The following NAALADL2 variants were observed in gnomAD, a reference collection of about 807,000 sequenced individuals.
NAALADL2 encodes the protein inactive N-acetylated-alpha-linked acidic dipeptidase-like protein 2.
A neutral mutation model predicts 87.2 loss-of-function variants in NAALADL2; 76 were observed. The observed-to-expected ratio is 0.87, with a 90% CI of 0.72 to 1.05. NAALADL2 has a LOEUF of 1.05. Ranked by LOEUF, NAALADL2 falls within the 50% of genes least tolerant of loss-of-function variation. The pLI, the probability that NAALADL2 is intolerant of heterozygous loss-of-function variation, is 0.00. For missense variants in NAALADL2, 1,089 were observed against 945.8 expected, an observed-to-expected ratio of 1.15 and a Z score of -1.99; for synonymous variants, 354 against 331.0, an observed-to-expected ratio of 1.07 and a Z score of -0.75.
chr3:174,884,101 G>GT (rs1016118278), intron 1 of NAALADL2, among the ~76,000 whole-genome samples: 2 of 152,140 alleles, frequency 1.3e-5, no homozygotes, highest in African/African-American at 4.8e-5. Context: ...GTGTCTCCTG[G>GT]TGGCGGCATT....
At chr3:175,130,992 G>C (rs1168767501) in intron 2 of NAALADL2, among the ~76,000 whole-genome samples, 1 of 152,062 alleles carries the variant, frequency 6.6e-6, no homozygotes, top group Non-Finnish European at 1.5e-5. Context: ...CAATGACTTT[G>C]GGTAGTATGG....
chr3:174,592,206 C>CT (rs1269447086), intron 2 of NAALADL2, among the ~76,000 whole-genome samples: 1 of 151,292 alleles, frequency 6.6e-6, no homozygotes, highest in African/African-American at 2.4e-5. Flanking sequence ...TGGAGTATTT[C>CT]TTTTTATTTA....
chr3:175,045,483 T>C (rs1478298893), intron 1 of NAALADL2, among the ~76,000 whole-genome samples: 2 of 152,288 alleles, frequency 1.3e-5, no homozygotes, highest in South Asian at 4.1e-4. Context: ...TATTACTGTC[T>C]ATTTTATTAT....
chr3:174,939,622 C>T (rs900473761), intron 1 of NAALADL2, among the ~76,000 whole-genome samples: 24 of 151,792 alleles, frequency 1.6e-4, no homozygotes, highest in African/African-American at 5.8e-4. Context: ...TAATAATAGT[C>T]ATTCTTCCTA....
chr3:175,551,254 A>G (rs993415904), intron 9 of NAALADL2, among the ~76,000 whole-genome samples: 10 of 151,934 alleles, frequency 6.6e-5, no homozygotes, highest in African/African-American at 2.4e-4. Context: ...GATGAGAAAA[A>G]CTCTTTCATT....
intron 1 of NAALADL2, among the ~76,000 whole-genome samples, chr3:175,022,682 T>G (rs111844558): frequency 1.3e-5 from 2 of 152,198 alleles, no homozygotes; most frequent in African/African-American, 4.8e-5. Context: ...GGCCAAAGAC[T>G]AGATACCAAA....
At chr3:174,457,550 G>T (rs1198729589) in intron 1 of NAALADL2, among the ~76,000 whole-genome samples, 1 of 152,166 alleles carries the variant, frequency 6.6e-6, no homozygotes, top group Non-Finnish European at 1.5e-5. Context: ...GATCATCCGG[G>T]CACGGAGGCT....
intron 2 of NAALADL2, among the ~76,000 whole-genome samples, chr3:175,157,647 C>T (rs964762382): frequency 6.6e-6 from 1 of 152,082 alleles, no homozygotes; most frequent in Admixed American, 6.6e-5. Flanking sequence ...CTGTCACTTA[C>T]CATCTATATA....
chr3:174,712,937 A>T (rs1398043317), intron 2 of NAALADL2, among the ~76,000 whole-genome samples: 3 of 152,084 alleles, frequency 2.0e-5, no homozygotes, highest in Non-Finnish European at 4.4e-5. Flanking sequence ...ATATCTCCTA[A>T]TGCTATGCCT....
intron 2 of NAALADL2, among the ~76,000 whole-genome samples, chr3:175,103,480 C>T (rs1034340937): frequency 5.9e-5 from 9 of 152,112 alleles, no homozygotes; most frequent in Non-Finnish European, 1.3e-4. Context: ...AAAGGAATGA[C>T]AAATTTACTG....
chr3:175,435,195 C>T (rs1029496632), intron 5 of NAALADL2, among the ~76,000 whole-genome samples: 1 of 151,844 alleles, frequency 6.6e-6, no homozygotes, highest in Admixed American at 6.6e-5. Flanking sequence ...AAACCCTTTA[C>T]CAGAGAAAGT....
intron 1 of NAALADL2, among the ~76,000 whole-genome samples, chr3:174,501,958 T>G: frequency 6.6e-6 from 1 of 152,230 alleles, no homozygotes; most frequent in East Asian, 1.9e-4. Context: ...TCTTTTTCTC[T>G]TTTTTAACAG....
At chr3:174,866,058 C>T (rs992971861) in intron 1 of NAALADL2, among the ~76,000 whole-genome samples, 2 of 151,872 alleles carry the variant, frequency 1.3e-5, no homozygotes, top group African/African-American at 4.8e-5. Flanking sequence ...AGCCTCCTAG[C>T]AGCCAAAAGA....
At chr3:175,248,209 CTG>C (rs1026564499) in intron 3 of NAALADL2, among the ~76,000 whole-genome samples, 2 of 149,612 alleles carry the variant, frequency 1.3e-5, no homozygotes, top group South Asian at 2.1e-4. Context: ...AGCTCTGTGA[CTG>C]TGAAAATGTT....
chr3:175,557,965 C>T (rs559936476), intron 9 of NAALADL2, among the ~76,000 whole-genome samples: 141 of 152,080 alleles, frequency 9.3e-4, no homozygotes, highest in African/African-American at 3.1e-3. Flanking sequence ...GAGGCTGAGG[C>T]GGACAGATCA....
At chr3:175,381,773 G>T (rs1378022575) in intron 5 of NAALADL2, among the ~76,000 whole-genome samples, 1 of 152,176 alleles carries the variant, frequency 6.6e-6, no homozygotes, top group Non-Finnish European at 1.5e-5. Flanking sequence ...AAGAATAGCT[G>T]AGTGTAAGTT....
chr3:175,713,521 A>G (rs1032505060), intron 11 of NAALADL2, among the ~76,000 whole-genome samples: 4 of 152,132 alleles, frequency 2.6e-5, no homozygotes, highest in Non-Finnish European at 4.4e-5. Flanking sequence ...TGTATTTAAA[A>G]GAATTCCATG....
rs1450447347 is a variant in NAALADL2, at chr3:175,265,882, AAT to A, written c.939+9357_939+9358del. 2.6e-5 allele frequency among the ~76,000 whole-genome samples: 4 copies of A among 151,468 alleles called. No individual in the cohort carries two copies. The East Asian group carries it at 5.8e-4, about 22-fold the overall frequency. On this transcript the variant is annotated intron_variant, in intron 4 of 13. Transcript: ENST00000454872. ...AATATTATTTTAATAAGTAACTGCT[AAT>A]ATATGTTAATTTATTATCCTCATGA...
At chr3:174,643,935 T>C (rs1723517737) in intron 2 of NAALADL2, among the ~76,000 whole-genome samples, 1 of 152,214 alleles carries the variant, frequency 6.6e-6, no homozygotes, top group Non-Finnish European at 1.5e-5. Flanking sequence ...TCTTTTATTA[T>C]GTTACGGATA....
Sources: allele counts gnomAD v4.1 joint callset (sites outside exome capture counted in the v4.1 genomes callset), GRCh38; gene constraint gnomAD v4.1.1; transcripts MANE v1.5; gene names NCBI Gene and HGNC (gene_info 2026-07-23, HGNC 2026-07-21).